Variants in MGAT4C observed in about 807,000 individuals in gnomAD.
MGAT4C encodes alpha-1,3-mannosyl-glycoprotein 4-beta-N-acetylglucosaminyltransferase C.
MGAT4C carries 19 observed loss-of-function variants against 40.1 expected under a neutral mutation model. That is an observed-to-expected ratio of 0.47 (90% CI 0.33 to 0.70). The LOEUF is 0.70. MGAT4C is among the 30% of genes least tolerant of loss of function. MGAT4C has a pLI of 0.02. For missense variants in MGAT4C, 491 were observed against 563.2 expected, an observed-to-expected ratio of 0.87 and a Z score of 1.30; for synonymous variants, 181 against 187.1, an observed-to-expected ratio of 0.97 and a Z score of 0.27.
At chr12:86,573,511 C>T (rs1031889543) in intron 2 of MGAT4C, among the ~76,000 whole-genome samples, 16 of 152,050 alleles carry the variant, frequency 1.1e-4, no homozygotes, top group African/African-American at 2.2e-4. Flanking sequence ...TAGTTAGTGA[C>T]GTAATTTTGA....
intron 3 of MGAT4C, among the ~76,000 whole-genome samples, chr12:86,417,055 T>C (rs1364829195): frequency 6.6e-6 from 1 of 152,160 alleles, no homozygotes; most frequent in East Asian, 1.9e-4. Flanking sequence ...TTATGGTATG[T>C]TGTTACAACA....
chr12:86,750,987 T>C (rs748490056), intron 1 of MGAT4C, among the ~76,000 whole-genome samples: 13 of 151,932 alleles, frequency 8.6e-5, no homozygotes, highest in African/African-American at 1.2e-4. Context: ...GAGAGGGTTG[T>C]AAGTTACCTC....
At chr12:86,108,947 A>T (rs1876714884) in intron 1 of MGAT4C, among the ~76,000 whole-genome samples, 1 of 152,110 alleles carries the variant, frequency 6.6e-6, no homozygotes, top group African/African-American at 2.4e-5. Context: ...AACCTTCACA[A>T]GAAATAAAAT....
rs988875774 is a variant in MGAT4C at position 86,006,402 on chromosome 12, C to A, written c.-6-16850G>T. On this transcript the variant is annotated intron_variant, in intron 2 of 4. Transcript: ENST00000611864. ...AATTCCTGACTGCTAACCCATCCAG[C>A]AAATATATTATACTACCATATCCCA... Among the ~76,000 whole-genome samples the A allele has an allele frequency of 2.6e-5, 4 of 152,238 alleles. No homozygotes were observed. The Middle Eastern group carries it at 0.014, about 518-fold the overall frequency.
At chr12:86,425,912 G>A (rs1956916308) in intron 3 of MGAT4C, among the ~76,000 whole-genome samples, 1 of 151,946 alleles carries the variant, frequency 6.6e-6, no homozygotes, top group Non-Finnish European at 1.5e-5. Flanking sequence ...TATTTAAACT[G>A]TTTTAATAAA....
chr12:86,072,611 T>C (rs917848136), intron 1 of MGAT4C, among the ~76,000 whole-genome samples: 2 of 152,018 alleles, frequency 1.3e-5, no homozygotes, highest in African/African-American at 4.8e-5. Flanking sequence ...GATGAAAGGA[T>C]CTTTGGATAG....
chr12:86,595,582 C>G (rs1270585929), intron 2 of MGAT4C, among the ~76,000 whole-genome samples: 1 of 151,398 alleles, frequency 6.6e-6, no homozygotes, highest in East Asian at 1.9e-4. Flanking sequence ...AAGTATATAT[C>G]ATCATTCTTT....
chr12:86,302,667 G>A (rs1166779463), intron 4 of MGAT4C, among the ~76,000 whole-genome samples: 2 of 150,528 alleles, frequency 1.3e-5, no homozygotes, highest in African/African-American at 2.5e-5. Context: ...GATCTCATGT[G>A]ATCCACCTGC....
chr12:85,979,845 C>A lies in MGAT4C; in HGVS notation c.881G>T (p.Gly294Val). Residue 294 changes from glycine (G) to valine (V), a missense_variant, in exon 5 of 5, where the codon GGT (glycine) becomes GTT (valine). Gly to Val is a moderately radical substitution (Grantham distance 109). Coordinates refer to ENST00000611864, the MANE Select transcript of MGAT4C (RefSeq NM_001351288.2). ...PCDWLLTHFR[G>V]LLAQKNVIRF... is the part of the protein sequence containing the mutation. ...GATCACATTTTTCTGAGCCAACAGA[C>A]CACGGAAATGAGTCAATAGCCAATC... is the stretch of plus-strand genomic sequence containing the variant. The A allele has an allele frequency of 6.2e-7, 1 of 1,613,678 alleles. No individual in the cohort carries two copies. The highest frequency in any genetic ancestry group is 8.5e-7 in the Non-Finnish European group (1 of 1,179,814).
intron 2 of MGAT4C, among the ~76,000 whole-genome samples, chr12:86,473,959 A>G (rs1957792826): frequency 6.6e-6 from 1 of 152,106 alleles, no homozygotes. Context: ...AATGAAAAGC[A>G]AGATTGTGTC....
intron 1 of MGAT4C, among the ~76,000 whole-genome samples, chr12:86,760,223 A>T (rs1422816874): frequency 6.6e-6 from 1 of 152,154 alleles, no homozygotes; most frequent in Non-Finnish European, 1.5e-5. Context: ...ACACAGCAGA[A>T]GAATGAAAGT....
chr12:86,805,696 T>C (rs908279502), intron 1 of MGAT4C, among the ~76,000 whole-genome samples: 4 of 152,004 alleles, frequency 2.6e-5, no homozygotes, highest in Admixed American at 1.3e-4. Flanking sequence ...AGTACATATA[T>C]GTTTTTGGTA....
chr12:86,768,499 C>T (rs866883007), intron 1 of MGAT4C, among the ~76,000 whole-genome samples: 2 of 151,930 alleles, frequency 1.3e-5, no homozygotes, highest in South Asian at 4.2e-4. Context: ...ACTTTCTTCA[C>T]AGAATTGGAA....
intron 2 of MGAT4C, among the ~76,000 whole-genome samples, chr12:86,565,133 G>A (rs1215831082): frequency 6.6e-6 from 1 of 152,166 alleles, no homozygotes; most frequent in Non-Finnish European, 1.5e-5. Flanking sequence ...GACCTGAACT[G>A]CCTATCATTA....
intron 2 of MGAT4C, among the ~76,000 whole-genome samples, chr12:86,546,172 G>C (rs1175814997): frequency 6.6e-6 from 1 of 151,832 alleles, no homozygotes; most frequent in East Asian, 1.9e-4. Context: ...AAGGCCTTAA[G>C]CTTGTTTATG....
chr12:85,986,361 A>G (rs1410890914), intron 3 of MGAT4C, among the ~76,000 whole-genome samples: 2 of 152,234 alleles, frequency 1.3e-5, no homozygotes, highest in Non-Finnish European at 2.9e-5. Flanking sequence ...CCTTGTGGCT[A>G]CTTTGAAGAT....
In MGAT4C at chr12:86,318,868, A is replaced by T. The variant is rs1396247937; in HGVS notation, c.-57+15197T>A. ...GCTGCTGTTCTTTATCACTCTCAAGAGGTGAGACTTCCAGTTTTATCTCTG... is the reference window on the plus strand; with the variant it reads ...GCTGCTGTTCTTTATCACTCTCAAGTGGTGAGACTTCCAGTTTTATCTCTG... On this transcript the variant is annotated intron_variant, in intron 4 of 7. Transcript: ENST00000548651. 5.9e-5 allele frequency among the ~76,000 whole-genome samples: 9 copies of T among 152,124 alleles called. 1 individual carries two copies.
intron 2 of MGAT4C, among the ~76,000 whole-genome samples, chr12:86,500,083 G>C (rs1011541783): frequency 1.3e-5 from 2 of 151,038 alleles, no homozygotes; most frequent in South Asian, 2.1e-4. Context: ...CAATGCATCG[G>C]AAATGAAAAA....
At chr12:86,169,268 G>A (rs572084614) in intron 1 of MGAT4C, among the ~76,000 whole-genome samples, 3 of 152,140 alleles carry the variant, frequency 2.0e-5, no homozygotes, top group East Asian at 3.9e-4. Flanking sequence ...CATGTCTTGG[G>A]TCTTCATAAG....
Sources: allele counts gnomAD v4.1 joint callset (sites outside exome capture counted in the v4.1 genomes callset), GRCh38; gene constraint gnomAD v4.1.1; transcripts MANE v1.5; gene names NCBI Gene and HGNC (gene_info 2026-07-23, HGNC 2026-07-21).